CNTNAP2: variants seen among roughly 807,000 people sequenced by gnomAD.
The protein encoded by CNTNAP2 is contactin-associated protein-like 2.
CNTNAP2 carries 98 observed loss-of-function variants against 155.2 expected under a neutral mutation model. The ratio of observed to expected loss-of-function variants is 0.63; its 90% CI spans 0.54 to 0.75. The LOEUF (loss-of-function observed/expected upper bound fraction) is 0.75. Ranked by LOEUF, CNTNAP2 falls within the 30% of genes least tolerant of loss-of-function variation. CNTNAP2 has a pLI of 0.00. For missense variants in CNTNAP2, 1,727 were observed against 1,688.1 expected (o/e 1.02, Z -0.40); for synonymous variants, 651 against 631.2 (o/e 1.03, Z -0.47).
intron 13 of CNTNAP2, among the ~76,000 whole-genome samples, chr7:147,642,781 A>G (rs182575014): frequency 2.4e-4 from 37 of 152,300 alleles, no homozygotes; most frequent in African/African-American, 8.2e-4. Flanking sequence ...GTAGATTATT[A>G]TTGTACATAA....
intron 23 of CNTNAP2, among the ~76,000 whole-genome samples, chr7:148,411,851 A>ATGTG (rs148431158): frequency 1.9e-4 from 28 of 147,854 alleles, no homozygotes; most frequent in East Asian, 1.2e-3. Flanking sequence ...CAACTGACAT[A>ATGTG]TGTGTGTGTG....
At chr7:148,042,159 T>A (rs1009241156) in intron 15 of CNTNAP2, among the ~76,000 whole-genome samples, 1 of 152,180 alleles carries the variant, frequency 6.6e-6, no homozygotes, top group Non-Finnish European at 1.5e-5. Flanking sequence ...AAATTGACGA[T>A]CTTAACCATT....
chr7:147,420,618 G>A (rs1431005585), intron 10 of CNTNAP2, among the ~76,000 whole-genome samples: 40 of 151,872 alleles, frequency 2.6e-4, no homozygotes, highest in Admixed American at 2.6e-3. Context: ...ACCAAGGCAG[G>A]GTTGCATATT....
intron 21 of CNTNAP2, among the ~76,000 whole-genome samples, chr7:148,380,357 T>A (rs1799026914): frequency 6.6e-6 from 1 of 152,242 alleles, no homozygotes; most frequent in Non-Finnish European, 1.5e-5. Context: ...GGAATCTTAT[T>A]CCAGACAGGC....
chr7:146,340,532 C>T (rs750371639), intron 1 of CNTNAP2, among the ~76,000 whole-genome samples: 10 of 151,696 alleles, frequency 6.6e-5, no homozygotes, highest in Middle Eastern at 6.8e-3. Flanking sequence ...AAATATGTAC[C>T]AAGTATTGCA....
At chr7:148,256,109 T>A (rs111229291) in intron 20 of CNTNAP2, among the ~76,000 whole-genome samples, 1 of 152,164 alleles carries the variant, frequency 6.6e-6, no homozygotes, top group Non-Finnish European at 1.5e-5. Context: ...ACGGCAAAGA[T>A]GGCACTTGTT....
intron 10 of CNTNAP2, among the ~76,000 whole-genome samples, chr7:147,428,542 C>A (rs773383666): frequency 6.6e-6 from 1 of 152,136 alleles, no homozygotes; most frequent in Non-Finnish European, 1.5e-5. Flanking sequence ...TTATAGTTGA[C>A]CTTTCTTCTG....
intron 1 of CNTNAP2, among the ~76,000 whole-genome samples, chr7:146,414,911 A>G (rs1795915673): frequency 6.6e-6 from 1 of 152,214 alleles, no homozygotes; most frequent in Non-Finnish European, 1.5e-5. Context: ...GAATAAAATA[A>G]GTACAGTCTC....
chr7:147,602,478 G>T (rs1800968093), intron 12 of CNTNAP2, among the ~76,000 whole-genome samples: 1 of 134,598 alleles, frequency 7.4e-6, no homozygotes. Context: ...ACATTCATCA[G>T]TTCATCCTAC....
At chr7:146,870,219 T>A (rs1056545387) in intron 3 of CNTNAP2, among the ~76,000 whole-genome samples, 2 of 151,922 alleles carry the variant, frequency 1.3e-5, no homozygotes. Context: ...TGGGCTTTTT[T>A]TTTTTGGTTG....
chr7:148,317,297 A>G (rs925037911), intron 21 of CNTNAP2, among the ~76,000 whole-genome samples: 45 of 152,262 alleles, frequency 3.0e-4, no homozygotes, highest in African/African-American at 1.0e-3. Context: ...AGAGTTTGCA[A>G]TGGGCTGAGA....
At position 148,418,145 on chromosome 7, in the gene CNTNAP2, T is replaced by C. The variant is rs1164186762; in HGVS notation, c.*2529T>C. The C allele has an allele frequency of 2.0e-5, 3 of 152,238 alleles. No individual in the cohort carries two copies. The highest frequency in any genetic ancestry group is 4.4e-5 in the Non-Finnish European group (3 of 68,038). The allele number at this position is 152,238 out of a possible 1,614,324, so 9.4% of individuals were successfully genotyped here. A position where few individuals can be genotyped will look rare whatever the true frequency, so the allele number is the denominator to read the frequency against. On this transcript the variant is annotated 3_prime_UTR_variant, in exon 24 of 24. Coordinates refer to ENST00000361727, the MANE Select transcript of CNTNAP2 (RefSeq NM_014141.6). ...AAATCTTGACCTCTCCTTGGGATTA[T>C]GGGTGTAACAAAAATCCCTACATCT...
chr7:148,331,347 G>C (rs1173204112), intron 21 of CNTNAP2, among the ~76,000 whole-genome samples: 3 of 150,650 alleles, frequency 2.0e-5, no homozygotes, highest in Non-Finnish European at 4.4e-5. Flanking sequence ...TGGACGGATG[G>C]AATGGATGGA....
chr7:147,525,108 CAA>C, intron 11 of CNTNAP2, among the ~76,000 whole-genome samples: 1 of 152,170 alleles, frequency 6.6e-6, no homozygotes, highest in Non-Finnish European at 1.5e-5. Context: ...CAGAATATCT[CAA>C]GAGACAATCT....
At chr7:148,253,073 A>ATAGT (rs1169388154) in intron 20 of CNTNAP2, among the ~76,000 whole-genome samples, 2 of 152,050 alleles carry the variant, frequency 1.3e-5, no homozygotes, top group African/African-American at 4.8e-5. Context: ...AGATAGATAG[A>ATAGT]TATTGATTGA....
At chr7:148,369,675 T>TTATTATTATTAC (rs1190240159) in intron 21 of CNTNAP2, among the ~76,000 whole-genome samples, 1 of 144,822 alleles carries the variant, frequency 6.9e-6, no homozygotes, top group Non-Finnish European at 1.5e-5. Flanking sequence ...ATTATTATTA[T>TTATTATTATTAC]TATTACTATT....
intron 1 of CNTNAP2, among the ~76,000 whole-genome samples, chr7:146,768,070 A>G (rs1802228703): frequency 6.6e-6 from 1 of 152,154 alleles, no homozygotes. Context: ...TACTTTCCAC[A>G]TATTATTAAA....
At chr7:146,473,274 G>A (rs1327897302) in intron 1 of CNTNAP2, among the ~76,000 whole-genome samples, 3 of 152,072 alleles carry the variant, frequency 2.0e-5, no homozygotes, top group Non-Finnish European at 4.4e-5. Flanking sequence ...AGGTCACTGG[G>A]TAATGAGTAA....
intron 21 of CNTNAP2, among the ~76,000 whole-genome samples, chr7:148,287,108 C>A (rs1797097462): frequency 6.6e-6 from 1 of 152,170 alleles, no homozygotes; most frequent in Non-Finnish European, 1.5e-5. Flanking sequence ...GGTCCCCAGG[C>A]AACTACTGAT....
Sources: allele counts gnomAD v4.1 joint callset (sites outside exome capture counted in the v4.1 genomes callset), GRCh38; gene constraint gnomAD v4.1.1; transcripts MANE v1.5; gene names NCBI Gene and HGNC (gene_info 2026-07-23, HGNC 2026-07-21).